The following IL1R1 variants were observed in gnomAD, a reference collection of about 807,000 sequenced individuals.
The protein encoded by IL1R1 is interleukin 1 receptor type 1.
IL1R1 carries 22 observed loss-of-function variants against 50.2 expected under a neutral mutation model. The observed-to-expected ratio is 0.44, with a 90% CI of 0.31 to 0.63. IL1R1 has a LOEUF of 0.63. Ranked by LOEUF, IL1R1 falls within the 20% of genes least tolerant of loss-of-function variation. The pLI, the probability that IL1R1 is intolerant of heterozygous loss-of-function variation, is 0.07. For synonymous variants in IL1R1, 251 were observed against 236.7 expected (o/e 1.06, Z -0.55); for missense variants, 509 against 676.2 (o/e 0.75, Z 2.74).
At chr2:102,165,971 C>T (rs1457520487) in intron 5 of IL1R1, 142 bp from the exon 6 acceptor site, 21 of 636,986 alleles carry the variant, frequency 3.3e-5, no homozygotes, top group Admixed American at 1.2e-4. Context: ...AGTATTAAAA[C>T]TTACTATATG....
intron 1 of IL1R1, among the ~76,000 whole-genome samples, chr2:102,127,521 A>G (rs1681782013): frequency 6.6e-6 from 1 of 152,194 alleles, no homozygotes; most frequent in Non-Finnish European, 1.5e-5. Context: ...ACCTACCCTC[A>G]TGAAGCTTAC....
In IL1R1 at chr2:102,168,658, A is replaced by G. The variant is rs201931236; in HGVS notation, c.716A>G (p.Asp239Gly). The G allele has an allele frequency of 1.4e-5, 22 of 1,612,900 alleles. No individual in the cohort carries two copies. Among genetic ancestry groups the G allele is most frequent in the Non-Finnish European group, 1.9e-5 (22 of 1,179,392 alleles). Residue 239 changes from aspartate to glycine, a missense_variant, in exon 7 of 12, where the codon GAC (aspartate) becomes GGC (glycine). Transcript: ENST00000410023. ...VSPANETMEVDLGSQIQLICN... is the reference protein window; with the variant it reads ...VSPANETMEVGLGSQIQLICN... The stretch of plus-strand genomic sequence containing the variant: ...CCAGCTAATGAGACAATGGAAGTAG[A>G]CTTGGGTAAGTGGGCTTCAGTGAGG...
chr2:102,155,642 G>T (rs1175602015), intron 2 of IL1R1, among the ~76,000 whole-genome samples: 1 of 152,142 alleles, frequency 6.6e-6, no homozygotes. Flanking sequence ...GATCCCAAAA[G>T]CCCGCTGCTG....
At position 102,177,758 on chromosome 2, in the gene IL1R1, C is replaced by T. The variant is rs1361470010; in HGVS notation, c.*999C>T. 1 of 152,414 alleles carries T rather than the reference C, an allele frequency of 6.6e-6. No individual in the cohort carries two copies. Among genetic ancestry groups the T allele is most frequent in the East Asian group, 1.9e-4 (1 of 5,332 alleles). The allele number at this position is 152,414 out of a possible 1,614,324, so 9.4% of individuals were successfully genotyped here. Reference sequence around the variant, plus strand: ...TGCTTTCCTCCCTGGCATGACCATCCTGTCCTTTGTTATTATCCTGCATTT... The same window carrying T: ...TGCTTTCCTCCCTGGCATGACCATCTTGTCCTTTGTTATTATCCTGCATTT... On this transcript the variant is annotated 3_prime_UTR_variant, in exon 12 of 12. Transcript: ENST00000410023.
At chr2:102,102,706 C>G (rs1170576626), upstream of IL1R1, among the ~76,000 whole-genome samples, 1 of 151,836 alleles carries the variant, frequency 6.6e-6, no homozygotes, top group Non-Finnish European at 1.5e-5. Context: ...ACATGATGTT[C>G]ATTACATCGC....
At position 102,172,796 on chromosome 2, in the gene IL1R1, A is replaced by G; in HGVS notation, c.949A>G (p.Thr317Ala). Reference protein sequence around the residue: ...KHPFTCFAKNTHGIDAAYIQL... With the variant: ...KHPFTCFAKNAHGIDAAYIQL... ...TCCATTTACCTGTTTTGCCAAGAAT[A>G]CACATGGTATAGATGCAGCATATAT... Residue 317 changes from threonine to alanine, a missense_variant, in exon 9 of 12, where the codon ACA becomes GCA. Coordinates refer to ENST00000410023, the MANE Select transcript of IL1R1 (RefSeq NM_000877.4). 6.2e-7 allele frequency: 1 copy of G among 1,612,012 alleles called. No individual in the cohort carries two copies.
In IL1R1 at chr2:102,168,579, A is replaced by T; in HGVS notation, c.656-19A>T. ...GATCTATAAGAGACTGACAAACCTT[A>T]TGGATGTTTTTCTTTCAGAGGAAAA... On this transcript the variant is annotated intron_variant, in intron 6 of 11. Transcript: ENST00000410023. 6.2e-7 allele frequency: 1 copy of T among 1,605,690 alleles called. No homozygotes were observed. The highest frequency in any genetic ancestry group is 2.2e-5 in the East Asian group (1 of 44,802).
intron 1 of IL1R1, among the ~76,000 whole-genome samples, chr2:102,147,062 G>C (rs779623003): frequency 6.6e-6 from 1 of 152,230 alleles, no homozygotes; most frequent in Admixed American, 6.5e-5. Context: ...TCCGTTGCTT[G>C]CTGTAGGATG....
At chr2:102,176,264 G>A (rs1049109192) in intron 11 of IL1R1, 89 bp from the exon 12 acceptor site, 12 of 1,090,290 alleles carry the variant, frequency 1.1e-5, no homozygotes, top group Admixed American at 9.3e-5. Context: ...GGAGCCATAC[G>A]GTTGTGAAAA....
chr2:102,078,601 A>ACAC (rs1159929134), intron 1 of IL1R1, among the ~76,000 whole-genome samples: 5,505 of 133,352 alleles, frequency 0.041, 202 homozygotes, highest in East Asian at 0.085. Flanking sequence ...CACACACACA[A>ACAC]GAAAAAAAAA....
At chr2:102,166,817 G>A (rs1255949924) in intron 6 of IL1R1, among the ~76,000 whole-genome samples, 1 of 152,154 alleles carries the variant, frequency 6.6e-6, no homozygotes, top group Non-Finnish European at 1.5e-5. Context: ...GAGATATGGG[G>A]TACACGAAAC....
chr2:102,151,798 G>T (rs1464993579), intron 1 of IL1R1, among the ~76,000 whole-genome samples: 2 of 152,354 alleles, frequency 1.3e-5, no homozygotes, highest in African/African-American at 2.4e-5. Flanking sequence ...GAAGCTTCCA[G>T]GCTAGGATTG....
At chr2:102,130,279 C>T (rs868612120) in intron 1 of IL1R1, among the ~76,000 whole-genome samples, 29 of 152,178 alleles carry the variant, frequency 1.9e-4, no homozygotes, top group African/African-American at 5.5e-4. Flanking sequence ...GATAATATAA[C>T]GTATCTTTTT....
intron 1 of IL1R1, among the ~76,000 whole-genome samples, chr2:102,094,717 G>A (rs572007218): frequency 6.6e-6 from 1 of 152,294 alleles, no homozygotes; most frequent in African/African-American, 2.4e-5. Flanking sequence ...TTCAATTTAT[G>A]TGTGCGTTAC....
At chr2:102,174,536 AT>A in intron 9 of IL1R1, 50 bp from the exon 10 acceptor site, 10 of 1,415,010 alleles carry the variant, frequency 7.1e-6, no homozygotes, top group Non-Finnish European at 9.5e-6. Context: ...CAAAGTTTTA[AT>A]TCTTTTTGGT....
intron 1 of IL1R1, among the ~76,000 whole-genome samples, chr2:102,127,719 TG>T (rs1300914410): frequency 1.3e-5 from 2 of 151,652 alleles, no homozygotes; most frequent in Non-Finnish European, 2.9e-5. Flanking sequence ...TCCAATGATC[TG>T]GGATACCTAT....
In IL1R1 at chr2:102,153,936, C is replaced by T. The variant is rs186766904; in HGVS notation, c.-83-5C>T. 3.3e-5 allele frequency: 5 copies of T among 152,366 alleles called. No individual in the cohort carries two copies. The East Asian group carries it at 9.4e-4, about 29-fold the overall frequency. 9.4% of individuals were successfully genotyped at this position (152,366 alleles called of 1,614,324 possible). The stretch of plus-strand genomic sequence containing the variant: ...CACTTCACTCATGTGTTCTTCCTTC[C>T]CCAGGTAGACGCACCCTCTGAAGAT... On this transcript the variant is annotated splice_region_variant and splice_polypyrimidine_tract_variant and intron_variant, in intron 1 of 11. Transcript: ENST00000410023.
intron 1 of IL1R1, among the ~76,000 whole-genome samples, chr2:102,092,839 AT>A (rs1036977326): frequency 5.6e-4 from 84 of 150,502 alleles, no homozygotes; most frequent in African/African-American, 1.6e-3. Context: ...CATGACTATG[AT>A]TTTTTTTTTC....
chr2:102,158,757 G>C (rs1013971194), intron 3 of IL1R1, among the ~76,000 whole-genome samples: 1 of 152,076 alleles, frequency 6.6e-6, no homozygotes, highest in Non-Finnish European at 1.5e-5. Context: ...AAGACTTCAG[G>C]GTTCTTTGTT....
Sources: allele counts gnomAD v4.1 joint callset (sites outside exome capture counted in the v4.1 genomes callset), GRCh38; gene constraint gnomAD v4.1.1; transcripts MANE v1.5; gene names NCBI Gene and HGNC (gene_info 2026-07-23, HGNC 2026-07-21).